The following CNN3 variants were observed in gnomAD, a reference collection of about 807,000 sequenced individuals.
CNN3 encodes calponin 3, also known as calponin-3.
In CNN3, 11 loss-of-function variants were observed where a neutral mutation model predicts 39.0. That is an observed-to-expected ratio of 0.28 (90% CI 0.18 to 0.47). The LOEUF is 0.47. Ranked by LOEUF, CNN3 falls within the 20% of genes least tolerant of loss-of-function variation. The pLI is 0.99. For synonymous variants in CNN3, 101 were observed against 138.3 expected (o/e 0.73, Z 1.89); for missense variants, 266 against 403.4 (o/e 0.66, Z 2.92).
chr1:94,899,289 C>T, intron 6 of CNN3, 82 bp downstream of exon 6: 4 of 1,427,492 alleles, frequency 2.8e-6, no homozygotes, highest in East Asian at 2.4e-5. Context: ...ATAAACTATA[C>T]AAAAAATACC....
chr1:94,897,916 G>C lies in CNN3; in HGVS notation c.816C>G (p.Tyr272Ter). 6.2e-7 allele frequency: 1 copy of C among 1,614,094 alleles called. No homozygotes were observed. Among genetic ancestry groups the C allele is most frequent in the Non-Finnish European group, 8.5e-7 (1 of 1,179,994 alleles). Reference sequence around the variant, plus strand: ...TGACAGGTTCTGTAGGAGCAGCACAGTATTTGGGATCATATACTTGCCGCC... The same window carrying C: ...TGACAGGTTCTGTAGGAGCAGCACACTATTTGGGATCATATACTTGCCGCC... ...GLGRQVYDPK[Y>*]CAAPTEPVIH... The change falls in exon 7 of 7, where the codon TAC becomes TAG. Residue 272 changes from tyrosine to a stop codon, truncating the protein, a stop_gained. Coordinates refer to ENST00000370206, the MANE Select transcript of CNN3 (RefSeq NM_001839.5). LOFTEE classifies it high-confidence loss of function.
chr1:94,901,401 T>A (rs4847365), intron 5 of CNN3, among the ~76,000 whole-genome samples: 85,806 of 146,956 alleles, frequency 0.58, 26,607 homozygotes, highest in Non-Finnish European at 0.71. Flanking sequence ...TTTTTCTTTT[T>A]TAAAAAAAAA....
intron 1 of CNN3, among the ~76,000 whole-genome samples, chr1:94,908,160 G>A (rs11165270): frequency 3.7e-4 from 56 of 152,160 alleles, no homozygotes; most frequent in African/African-American, 9.9e-4. Context: ...ACTCCTCCCC[G>A]AAACTCTCCA....
intron 1 of CNN3, among the ~76,000 whole-genome samples, chr1:94,922,830 T>C (rs1276689240): frequency 6.6e-6 from 1 of 152,228 alleles, no homozygotes; most frequent in African/African-American, 2.4e-5. Flanking sequence ...ATTTTGGTAA[T>C]AAGCCTTTCA....
At chr1:94,925,564 T>C in intron 1 of CNN3, 1 of 967,946 alleles carries the variant, frequency 1.0e-6, no homozygotes, top group Non-Finnish European at 1.2e-6. Context: ...CAGTATGATG[T>C]GCAGACTAAC....
rs1468454235 is a variant in CNN3 at position 94,906,672 on chromosome 1, G to A, written c.58-3148C>T. ...TAAACTGGATGCCTGCACTAGGTCC[G>A]TTCCTACTCTCAGCTATCTACACAA... On this transcript the variant is annotated intron_variant, in intron 1 of 6. Coordinates refer to ENST00000370206, the MANE Select transcript of CNN3 (RefSeq NM_001839.5). 3.3e-5 allele frequency among the ~76,000 whole-genome samples: 5 copies of A among 151,748 alleles called. No individual in the cohort carries two copies. The South Asian group carries it at 8.3e-4, about 25-fold the overall frequency.
chr1:94,922,424 T>C (rs937482725), intron 1 of CNN3, among the ~76,000 whole-genome samples: 6 of 152,254 alleles, frequency 3.9e-5, no homozygotes, highest in African/African-American at 1.4e-4. Flanking sequence ...CAAATATTTA[T>C]TGAGCATATG....
At chr1:94,913,562 T>C (rs1671216173) in intron 1 of CNN3, among the ~76,000 whole-genome samples, 1 of 152,230 alleles carries the variant, frequency 6.6e-6, no homozygotes, top group Non-Finnish European at 1.5e-5. Context: ...TTCTGAGTGA[T>C]GCATTCTGAA....
intron 3 of CNN3, 92 bp from the exon 4 acceptor site, chr1:94,902,350 CGCTGCCCAGAAA>C: frequency 9.0e-7 from 1 of 1,105,410 alleles, no homozygotes; most frequent in East Asian, 2.6e-5. Context: ...AGTTATAAGA[CGCTGCCCAGAAA>C]GCTGTTTGAC....
chr1:94,903,549 A>T, intron 1 of CNN3, 25 bp from the exon 2 acceptor site: 1 of 1,613,320 alleles, frequency 6.2e-7, no homozygotes, highest in Non-Finnish European at 8.5e-7. Context: ...AACTCACTTT[A>T]GAAGAATTTC....
intron 1 of CNN3, among the ~76,000 whole-genome samples, chr1:94,922,552 A>C (rs546809811): frequency 1.3e-5 from 2 of 152,324 alleles, no homozygotes; most frequent in Admixed American, 6.5e-5. Flanking sequence ...TTTAATTAAA[A>C]ACCAATTTCT....
chr1:94,925,540 C>G, intron 1 of CNN3: 1 of 923,084 alleles, frequency 1.1e-6, no homozygotes, highest in Non-Finnish European at 1.3e-6. Flanking sequence ...AAAATCAACT[C>G]CTTGCTTCAA....
chr1:94,925,162 G>T (rs1452411055), intron 1 of CNN3, among the ~76,000 whole-genome samples: 1 of 152,172 alleles, frequency 6.6e-6, no homozygotes, highest in South Asian at 2.1e-4. Context: ...GTCACTTGAA[G>T]GGCTGCCAAC....
At chr1:94,925,485 G>A (rs1275863103) in intron 1 of CNN3, 1 of 524,882 alleles carries the variant, frequency 1.9e-6, no homozygotes, top group African/African-American at 2.1e-5. Flanking sequence ...CAACACGTTT[G>A]AAAAGGTAAA....
At position 94,897,371 on chromosome 1, in the gene CNN3, T is replaced by TAA. The variant is rs56226800; in HGVS notation, c.*369_*370dup. The TAA allele has an allele frequency of 0.027, 3,478 of 126,792 alleles. 165 individuals carry two copies. The highest frequency in any genetic ancestry group is 0.095 in the African/African-American group (3,032 of 31,752). 7.9% of individuals were successfully genotyped at this position (126,792 alleles called of 1,614,324 possible). A position where few individuals can be genotyped will look rare whatever the true frequency, so the allele number is the denominator to read the frequency against. ...TGTAGAAACCAGATACACTAAACTG[T>TAA]AAAAAAAAAAAAAAAAAAAAAAAGT... On this transcript the variant is annotated 3_prime_UTR_variant, in exon 7 of 7. Coordinates refer to ENST00000370206, the MANE Select transcript of CNN3 (RefSeq NM_001839.5).
chr1:94,907,331 AG>A (rs1254425555), intron 1 of CNN3, among the ~76,000 whole-genome samples: 2 of 152,236 alleles, frequency 1.3e-5, no homozygotes, highest in Non-Finnish European at 2.9e-5. Context: ...TTATGCAGTC[AG>A]GCCAGCTAAA....
At position 94,897,582 on chromosome 1, in the gene CNN3, G is replaced by C; in HGVS notation, c.*160C>G. On this transcript the variant is annotated 3_prime_UTR_variant, in exon 7 of 7. Coordinates refer to ENST00000370206, the MANE Select transcript of CNN3 (RefSeq NM_001839.5). ...CTAAAAGGCAACTATTGAGGGAAGAGGCAGAAAAAGGAAAAAGGAATGTAC... is the reference window on the plus strand; with the variant it reads ...CTAAAAGGCAACTATTGAGGGAAGACGCAGAAAAAGGAAAAAGGAATGTAC... 1 of 623,212 alleles carries C rather than the reference G, an allele frequency of 1.6e-6. No homozygotes were observed. 38.6% of individuals were successfully genotyped at this position (623,212 alleles called of 1,614,324 possible).
intron 1 of CNN3, among the ~76,000 whole-genome samples, chr1:94,915,546 A>G (rs978648857): frequency 6.6e-6 from 1 of 152,214 alleles, no homozygotes; most frequent in Non-Finnish European, 1.5e-5. Context: ...GGAGAAAATA[A>G]GTTACCCTGA....
At chr1:94,914,183 C>A (rs1671227931) in intron 1 of CNN3, among the ~76,000 whole-genome samples, 1 of 152,142 alleles carries the variant, frequency 6.6e-6, no homozygotes, top group Admixed American at 6.5e-5. Flanking sequence ...CTAGGTGCCT[C>A]CAAAATAACC....
Sources: gnomAD v4.1 joint callset for allele counts (sites outside exome capture counted in the v4.1 genomes callset) on GRCh38, gnomAD v4.1.1 for gene constraint, MANE v1.5 for transcripts, NCBI Gene and HGNC (gene_info 2026-07-23, HGNC 2026-07-21) for gene names.